PSD3: variants seen among roughly 807,000 people sequenced by gnomAD.
PSD3 encodes pleckstrin and Sec7 domain containing 3.
A neutral mutation model predicts 105.5 loss-of-function variants in PSD3; 49 were observed. The ratio of observed to expected loss-of-function variants is 0.46; its 90% CI spans 0.37 to 0.59. The LOEUF (loss-of-function observed/expected upper bound fraction) is 0.59, where lower values mean the gene tolerates loss of function less well. PSD3 is among the 20% of genes least tolerant of loss of function. The probability of loss-of-function intolerance (pLI) is 0.00; values close to 1 mark genes in which losing one functional copy is unlikely to be tolerated. For synonymous variants in PSD3, 557 were observed against 457.8 expected, an observed-to-expected ratio of 1.22 and a Z score of -2.77; for missense variants, 1,561 against 1,263.8, an observed-to-expected ratio of 1.24 and a Z score of -3.57.
At chr8:19,004,494 G>C (rs979040969) in intron 1 of PSD3, among the ~76,000 whole-genome samples, 1 of 152,036 alleles carries the variant, frequency 6.6e-6, no homozygotes, top group African/African-American at 2.4e-5. Context: ...AAACAGAAAA[G>C]ACAACCCACA....
chr8:18,943,147 T>A (rs551808795), intron 1 of PSD3, among the ~76,000 whole-genome samples: 1 of 152,230 alleles, frequency 6.6e-6, no homozygotes, highest in East Asian at 1.9e-4. Context: ...GCTGCAAAGA[T>A]CAACAAAGGA....
intron 1 of PSD3, among the ~76,000 whole-genome samples, chr8:19,065,349 A>T (rs945688660): frequency 2.0e-5 from 3 of 152,296 alleles, no homozygotes; most frequent in Admixed American, 6.5e-5. Context: ...TGCGGTGGAC[A>T]TCAGCTGGGT....
In PSD3 at chr8:18,684,243, C is replaced by CACACACACAG. The variant is rs1249401646; in HGVS notation, c.2173-28559_2173-28558insCTGTGTGTGT. ...ACACACACACACACACACACACACACACACACACCCCATCATATTCACACA... is the reference window on the plus strand; with the variant it reads ...ACACACACACACACACACACACACACACACACACAGACACACACCCCATCATATTCACACA... On this transcript the variant is annotated intron_variant, in intron 9 of 15. Transcript: ENST00000327040. 7.8e-4 allele frequency: 164 copies of CACACACACAG among 210,928 alleles called. 1 individual carries two copies. The highest frequency in any genetic ancestry group is 3.5e-3 in the African/African-American group (152 of 43,090). The allele number at this position is 210,928 out of a possible 1,614,324, so 13.1% of individuals were successfully genotyped here. A position where few individuals can be genotyped will look rare whatever the true frequency, so the allele number is the denominator to read the frequency against.
chr8:18,623,139 C>A (rs538072255), intron 11 of PSD3, among the ~76,000 whole-genome samples: 101 of 152,230 alleles, frequency 6.6e-4, no homozygotes, highest in Admixed American at 1.2e-3. Context: ...CCTGCCTTGG[C>A]CTTCCAAAAT....
chr8:19,005,321 GA>G (rs1337806189), intron 1 of PSD3, among the ~76,000 whole-genome samples: 1 of 151,920 alleles, frequency 6.6e-6, no homozygotes, highest in African/African-American at 2.4e-5. Flanking sequence ...AAAACATGAG[GA>G]AAAAGCCAGC....
chr8:18,924,286 C>T (rs1172069744), intron 2 of PSD3, among the ~76,000 whole-genome samples: 1 of 152,174 alleles, frequency 6.6e-6, no homozygotes, highest in Non-Finnish European at 1.5e-5. Flanking sequence ...TAATGGAGAA[C>T]ATATGGTCAG....
intron 9 of PSD3, among the ~76,000 whole-genome samples, chr8:18,666,574 T>G (rs928870623): frequency 3.9e-5 from 6 of 152,150 alleles, no homozygotes; most frequent in Non-Finnish European, 7.3e-5. Flanking sequence ...AACTAAGAGT[T>G]ACAACTCAAA....
intron 12 of PSD3, among the ~76,000 whole-genome samples, chr8:18,579,871 T>C (rs1189614532): frequency 6.6e-6 from 1 of 152,202 alleles, no homozygotes; most frequent in Non-Finnish European, 1.5e-5. Context: ...TAGCTACATG[T>C]ACTTAAAACA....
intron 11 of PSD3, among the ~76,000 whole-genome samples, chr8:18,610,889 C>A (rs960369011): frequency 6.6e-6 from 1 of 152,132 alleles, no homozygotes. Flanking sequence ...ATGATGCCCA[C>A]TATTTCTCCG....
At chr8:18,629,511 T>A (rs1340104024) in intron 11 of PSD3, among the ~76,000 whole-genome samples, 1 of 152,010 alleles carries the variant, frequency 6.6e-6, no homozygotes, top group Non-Finnish European at 1.5e-5. Flanking sequence ...GAATACTTAT[T>A]AAGCAATAAG....
chr8:18,920,119 A>AG (rs1820910796), intron 2 of PSD3, among the ~76,000 whole-genome samples: 1 of 151,848 alleles, frequency 6.6e-6, no homozygotes, highest in African/African-American at 2.4e-5. Context: ...GTTCACAATG[A>AG]TCATTTCCAA....
intron 9 of PSD3, chr8:18,684,118 G>C: frequency 1.9e-6 from 1 of 522,316 alleles, no homozygotes. Flanking sequence ...TGTTTGCAGC[G>C]AGTCTGATTG....
intron 9 of PSD3, among the ~76,000 whole-genome samples, chr8:18,665,883 A>G (rs1799424055): frequency 6.6e-6 from 1 of 152,200 alleles, no homozygotes; most frequent in Non-Finnish European, 1.5e-5. Flanking sequence ...ATGATGCAGC[A>G]AGCTTAATTA....
At chr8:19,027,269 G>T (rs1827591315) in intron 1 of PSD3, among the ~76,000 whole-genome samples, 1 of 152,126 alleles carries the variant, frequency 6.6e-6, no homozygotes, top group Admixed American at 6.5e-5. Context: ...GGACATAACT[G>T]CTGAGTTACC....
chr8:18,715,016 A>G (rs773259678), intron 9 of PSD3, among the ~76,000 whole-genome samples: 1 of 152,216 alleles, frequency 6.6e-6, no homozygotes, highest in Non-Finnish European at 1.5e-5. Context: ...CATCCTCAGC[A>G]AACTAATGCA....
intron 9 of PSD3, among the ~76,000 whole-genome samples, chr8:18,715,318 T>G (rs1334028120): frequency 1.3e-5 from 2 of 151,450 alleles, no homozygotes; most frequent in African/African-American, 4.9e-5. Context: ...ATTAACATAA[T>G]GACCCATTAA....
chr8:19,049,009 ATC>A (rs1281061560), intron 1 of PSD3, among the ~76,000 whole-genome samples: 2 of 152,078 alleles, frequency 1.3e-5, no homozygotes, highest in African/African-American at 4.8e-5. Context: ...CTGTGTCCTA[ATC>A]TCTTTATAAG....
intron 2 of PSD3, among the ~76,000 whole-genome samples, chr8:18,915,643 A>G (rs942486316): frequency 6.6e-6 from 1 of 152,210 alleles, no homozygotes; most frequent in Non-Finnish European, 1.5e-5. Flanking sequence ...GTCACTAATC[A>G]TCATCCAGAA....
chr8:18,951,664 T>C (rs532994168), intron 1 of PSD3, among the ~76,000 whole-genome samples: 1 of 152,260 alleles, frequency 6.6e-6, no homozygotes, highest in Admixed American at 6.5e-5. Flanking sequence ...GAAGTTGCTT[T>C]TGGACCCAAA....
Sources: allele counts gnomAD v4.1 joint callset (sites outside exome capture counted in the v4.1 genomes callset), GRCh38; gene constraint gnomAD v4.1.1; transcripts MANE v1.5; gene names NCBI Gene and HGNC (gene_info 2026-07-23, HGNC 2026-07-21).